The following OSBPL8 variants were observed in gnomAD, a reference collection of about 807,000 sequenced individuals.
OSBPL8 encodes the protein oxysterol-binding protein-related protein 8.
A neutral mutation model predicts 125.5 loss-of-function variants in OSBPL8; 59 were observed. That is an observed-to-expected ratio of 0.47 (90% CI 0.38 to 0.58). OSBPL8 has a LOEUF of 0.58. OSBPL8 is among the 20% of genes least tolerant of loss of function. The pLI, the probability that OSBPL8 is intolerant of heterozygous loss-of-function variation, is 0.00. For missense variants in OSBPL8, 758 were observed against 1,047.8 expected (o/e 0.72, Z 3.82); for synonymous variants, 330 against 338.9 (o/e 0.97, Z 0.29).
chr12:76,373,949 G>C (rs896107434), intron 17 of OSBPL8, among the ~76,000 whole-genome samples: 19 of 152,024 alleles, frequency 1.2e-4, no homozygotes, highest in African/African-American at 4.6e-4. Context: ...TCTCTCCTTA[G>C]AGACAAAATT....
Position 76,354,195 on chromosome 12 carries a change from A to G in OSBPL8, c.*1694T>C, listed in dbSNP as rs1951908764. On this transcript the variant is annotated 3_prime_UTR_variant, in exon 24 of 24. Transcript: ENST00000261183. ...TATAACCAAAAACCCATTTGTTCTAATATCATGAAAATACTGGGTATAGGT... is the reference window on the plus strand; with the variant it reads ...TATAACCAAAAACCCATTTGTTCTAGTATCATGAAAATACTGGGTATAGGT... 6.6e-6 allele frequency: 1 copy of G among 152,342 alleles called. No homozygotes were observed. The highest frequency in any genetic ancestry group is 6.5e-5 in the Admixed American group (1 of 15,270). 9.4% of individuals were successfully genotyped at this position (152,342 alleles called of 1,614,324 possible).
intron 1 of OSBPL8, among the ~76,000 whole-genome samples, chr12:76,538,389 A>C (rs2137400347): frequency 6.6e-6 from 1 of 152,350 alleles, no homozygotes; most frequent in Admixed American, 6.5e-5. Context: ...ACAATTCTTA[A>C]TAATAAGATT....
chr12:76,502,173 T>C (rs543181733), intron 1 of OSBPL8, among the ~76,000 whole-genome samples: 2 of 152,228 alleles, frequency 1.3e-5, no homozygotes, highest in East Asian at 1.9e-4. Flanking sequence ...TGGGTCAATA[T>C]GCAACATACA....
chr12:76,508,726 T>C (rs1880676845), intron 1 of OSBPL8, among the ~76,000 whole-genome samples: 1 of 152,202 alleles, frequency 6.6e-6, no homozygotes, highest in African/African-American at 2.4e-5. Flanking sequence ...TATAATGTAT[T>C]AGCATACTAA....
intron 20 of OSBPL8, 66 bp from the exon 21 acceptor site, chr12:76,369,367 A>G (rs1187456121): frequency 1.3e-6 from 2 of 1,521,954 alleles, no homozygotes; most frequent in Non-Finnish European, 1.8e-6. Flanking sequence ...AAAACTTTCT[A>G]TTCTATGATC....
At chr12:76,538,113 T>G (rs1950547327) in intron 1 of OSBPL8, 1 of 152,176 alleles carries the variant, frequency 6.6e-6, no homozygotes, top group Non-Finnish European at 1.5e-5. Flanking sequence ...CCATACCAAT[T>G]AGAGACCTTG....
chr12:76,404,105 C>T (rs1402479444), intron 5 of OSBPL8, among the ~76,000 whole-genome samples: 1 of 152,128 alleles, frequency 6.6e-6, no homozygotes, highest in Middle Eastern at 3.2e-3. Context: ...GGGAAAGTTA[C>T]TCCTTTAAGA....
rs912316012 is a variant in OSBPL8, at chr12:76,520,786, G to A, written c.-67-33168C>T. Among the ~76,000 whole-genome samples, 3 of 152,142 alleles carry A rather than the reference G, an allele frequency of 2.0e-5. No individual in the cohort carries two copies. The East Asian group carries it at 5.8e-4, about 29-fold the overall frequency. ...AGAAAAAAAAATTAAGTCAATATAGGAGCAGGCCTATTATATCCAAGTTTG... is the reference window on the plus strand; with the variant it reads ...AGAAAAAAAAATTAAGTCAATATAGAAGCAGGCCTATTATATCCAAGTTTG... On this transcript the variant is annotated intron_variant, in intron 1 of 23. Transcript: ENST00000261183.
At chr12:76,551,601 G>A (rs1219459482) in intron 1 of OSBPL8, among the ~76,000 whole-genome samples, 1 of 152,164 alleles carries the variant, frequency 6.6e-6, no homozygotes, top group Non-Finnish European at 1.5e-5. Flanking sequence ...TGGGCATCTG[G>A]AGTATTATGA....
chr12:76,413,809 TA>T (rs1868331941), intron 4 of OSBPL8, among the ~76,000 whole-genome samples: 1 of 152,174 alleles, frequency 6.6e-6, no homozygotes, highest in African/African-American at 2.4e-5. Context: ...TTTCTTATTA[TA>T]TAAGAATTCT....
intron 1 of OSBPL8, among the ~76,000 whole-genome samples, chr12:76,536,698 G>A (rs983059481): frequency 9.2e-5 from 14 of 151,726 alleles, no homozygotes; most frequent in Admixed American, 8.6e-4. Context: ...AGGAAGGAGA[G>A]ACCTACAGGT....
At chr12:76,358,648 C>G (rs1475743574) in intron 22 of OSBPL8, 58 bp downstream of exon 22, 1 of 1,388,316 alleles carries the variant, frequency 7.2e-7, no homozygotes, top group Non-Finnish European at 1.0e-6. Context: ...ATATTCATAT[C>G]AAATTGTGTA....
Position 76,416,725 on chromosome 12 carries a change from T to C in OSBPL8, c.218-6091A>G, listed in dbSNP as rs143567054. On this transcript the variant is annotated intron_variant, in intron 4 of 23. Coordinates refer to ENST00000261183, the MANE Select transcript of OSBPL8 (RefSeq NM_020841.5). ...TTCTTTTATATGTAGATATGTCACTTGTAACAGCAGGTACTGGATTATTTT... is the reference window on the plus strand; with the variant it reads ...TTCTTTTATATGTAGATATGTCACTCGTAACAGCAGGTACTGGATTATTTT... Among the ~76,000 whole-genome samples, 1,198 of 152,194 alleles carry C rather than the reference T, an allele frequency of 7.9e-3. 17 individuals are homozygous for C. The highest frequency in any genetic ancestry group is 0.027 in the African/African-American group (1,134 of 41,562).
chr12:76,460,161 T>A (rs1874545195), intron 2 of OSBPL8, among the ~76,000 whole-genome samples: 1 of 152,218 alleles, frequency 6.6e-6, no homozygotes, highest in African/African-American at 2.4e-5. Context: ...GAAAAATGGA[T>A]CACCTAAGTA....
At chr12:76,519,346 C>A (rs34542684) in intron 1 of OSBPL8, among the ~76,000 whole-genome samples, 77,005 of 151,918 alleles carry the variant, frequency 0.51, 21,289 homozygotes, top group African/African-American at 0.72. Context: ...CCATCTGAGA[C>A]CTCATCAGGC....
intron 1 of OSBPL8, among the ~76,000 whole-genome samples, chr12:76,553,947 A>G (rs1158303200): frequency 7.7e-6 from 1 of 130,138 alleles, no homozygotes; most frequent in Non-Finnish European, 1.6e-5. Flanking sequence ...ACTGCACTCC[A>G]GCCTAGGTGA....
intron 15 of OSBPL8, among the ~76,000 whole-genome samples, chr12:76,382,988 TTC>T (rs1266806252): frequency 6.6e-6 from 1 of 152,230 alleles, no homozygotes; most frequent in African/African-American, 2.4e-5. Context: ...ATGCTGACAT[TTC>T]TGTTTTGAAT....
At chr12:76,426,099 G>A (rs767107290) in intron 4 of OSBPL8, among the ~76,000 whole-genome samples, 7 of 152,172 alleles carry the variant, frequency 4.6e-5, no homozygotes, top group Non-Finnish European at 1.0e-4. Flanking sequence ...ACTTTGGTAT[G>A]TAAATGAACA....
At chr12:76,524,637 G>A (rs1207405290) in intron 1 of OSBPL8, among the ~76,000 whole-genome samples, 1 of 148,762 alleles carries the variant, frequency 6.7e-6, no homozygotes, top group Non-Finnish European at 1.5e-5. Flanking sequence ...AAAGAAAAAA[G>A]AAAAGAAAAT....
Sources: allele counts gnomAD v4.1 joint callset (sites outside exome capture counted in the v4.1 genomes callset), GRCh38; gene constraint gnomAD v4.1.1; transcripts MANE v1.5; gene names NCBI Gene and HGNC (gene_info 2026-07-23, HGNC 2026-07-21).